FBXO39: variants seen among roughly 807,000 people sequenced by gnomAD.
The protein encoded by FBXO39 is F-box protein 39, also known as F-box only protein 39.
Under a neutral mutation model 36.6 loss-of-function variants are expected in FBXO39, and 22 were observed. That is an observed-to-expected ratio of 0.60 (90% CI 0.43 to 0.86). The LOEUF (loss-of-function observed/expected upper bound fraction) is 0.86, where lower values mean the gene tolerates loss of function less well. Among genes scored for constraint, FBXO39 ranks in the 40% least tolerant of loss-of-function variants. The pLI is 0.00. For missense variants in FBXO39, 536 were observed against 543.9 expected, an observed-to-expected ratio of 0.99 and a Z score of 0.14; for synonymous variants, 206 against 205.8, an observed-to-expected ratio of 1.00 and a Z score of -0.01.
In FBXO39 at chr17:6,780,033, C is replaced by G; in HGVS notation, c.165C>G (p.Leu55=). ...ACCAGATGATGTATTCTGCTGAGCTCTGGCGGTACAGAACCATCACCTTCA... is the reference window on the plus strand; with the variant it reads ...ACCAGATGATGTATTCTGCTGAGCTGTGGCGGTACAGAACCATCACCTTCA... ...KWNQMMYSAE[L]WRYRTITFSG... The change falls in exon 2 of 4, where the codon CTC becomes CTG. Residue 55 remains leucine (L), a synonymous_variant. Coordinates refer to ENST00000321535, the MANE Select transcript of FBXO39 (RefSeq NM_153230.3). 6.2e-7 allele frequency: 1 copy of G among 1,614,216 alleles called. No individual in the cohort carries two copies. Among genetic ancestry groups the G allele is most frequent in the Non-Finnish European group, 8.5e-7 (1 of 1,180,048 alleles).
At chr17:6,781,231 C>T (rs894221540) in intron 2 of FBXO39, among the ~76,000 whole-genome samples, 9 of 152,198 alleles carry the variant, frequency 5.9e-5, no homozygotes, top group African/African-American at 1.9e-4. Flanking sequence ...TACTTTTCCA[C>T]GAGGTCACAG....
chr17:6,776,416 G>A (rs1333952903), intron 1 of FBXO39, 144 bp downstream of exon 1: 1 of 150,748 alleles, frequency 6.6e-6, no homozygotes, highest in African/African-American at 2.4e-5. Flanking sequence ...CCCCCTCTGG[G>A]AAGCATCTTT....
At position 6,779,844 on chromosome 17, in the gene FBXO39, C is replaced by T; in HGVS notation, c.-25C>T. ...TTTGGAAGCCCTGCCTAACACACAG[C>T]TGCACTGTACATCCCAGTTCCTGGA... On this transcript the variant is annotated 5_prime_UTR_variant, in exon 2 of 4. Transcript: ENST00000321535. 6.2e-7 allele frequency: 1 copy of T among 1,609,102 alleles called. No homozygotes were observed. Among genetic ancestry groups the T allele is most frequent in the Non-Finnish European group, 8.5e-7 (1 of 1,177,402 alleles).
At chr17:6,786,690 C>G in intron 2 of FBXO39, 90 bp from the exon 3 acceptor site, 1 of 1,143,686 alleles carries the variant, frequency 8.7e-7, no homozygotes, top group Non-Finnish European at 1.2e-6. Context: ...GCTATCAGGC[C>G]CAGAGCCAGG....
chr17:6,782,580 A>G (rs1349713643), intron 2 of FBXO39, among the ~76,000 whole-genome samples: 1 of 152,206 alleles, frequency 6.6e-6, no homozygotes, highest in Non-Finnish European at 1.5e-5. Flanking sequence ...GAGATGGGAA[A>G]TGATATTTAA....
At position 6,780,135 on chromosome 17, in the gene FBXO39, G is replaced by A. The variant is rs549708601; in HGVS notation, c.267G>A (p.Leu89=). The A allele has an allele frequency of 6.8e-6, 11 of 1,614,178 alleles. No homozygotes were observed. Among genetic ancestry groups the A allele is most frequent in the South Asian group, 3.3e-5 (3 of 91,080 alleles). The change falls in exon 2 of 4, where the codon CTG becomes CTA. Residue 89 remains leucine, a synonymous_variant. Coordinates refer to ENST00000321535, the MANE Select transcript of FBXO39 (RefSeq NM_153230.3). ...VWYVKKFGRY[L]EHLEVKFMNP... ...ATGTTAAGAAGTTTGGTCGTTATCTGGAGCACCTGGAGGTCAAATTCATGA... is the reference window on the plus strand; with the variant it reads ...ATGTTAAGAAGTTTGGTCGTTATCTAGAGCACCTGGAGGTCAAATTCATGA...
intron 2 of FBXO39, among the ~76,000 whole-genome samples, chr17:6,784,014 A>T (rs1345328644): frequency 6.6e-6 from 1 of 152,144 alleles, no homozygotes; most frequent in Non-Finnish European, 1.5e-5. Flanking sequence ...AAATTCCTCA[A>T]CAAATTATTG....
chr17:6,780,684 C>T lies in FBXO39; in HGVS notation c.816C>T (p.Ser272=), dbSNP rs17731806. 6.2e-7 allele frequency: 1 copy of T among 1,614,122 alleles called. No individual in the cohort carries two copies. Among genetic ancestry groups the T allele is most frequent in the Non-Finnish European group, 8.5e-7 (1 of 1,180,020 alleles). ...ACGGACAGGTCATCTGGGGTATGTC[C>T]TGGGCCAAGCTGGCCAGGCAGGCCA... is the stretch of plus-strand genomic sequence containing the variant. ...DPHGQVIWGM[S]WAKLARQATN... Residue 272 remains serine, a synonymous_variant, in exon 2 of 4, where the codon TCC becomes TCT. Coordinates refer to ENST00000321535, the MANE Select transcript of FBXO39 (RefSeq NM_153230.3).
At position 6,782,542 on chromosome 17, in the gene FBXO39, A is replaced by G. The variant is rs145533008; in HGVS notation, c.1023+1651A>G. 6.8e-3 allele frequency among the ~76,000 whole-genome samples: 1,030 copies of G among 152,310 alleles called. 12 individuals are homozygous for G. The highest frequency in any genetic ancestry group is 0.024 in the African/African-American group (985 of 41,576). ...TGCCTACAAGTAACACATTTCACCT[A>G]TAAAGACACACATAGACTGAAAATA... On this transcript the variant is annotated intron_variant, in intron 2 of 3. Transcript: ENST00000321535.
intron 2 of FBXO39, among the ~76,000 whole-genome samples, chr17:6,784,835 C>T (rs940345398): frequency 1.3e-5 from 2 of 151,768 alleles, no homozygotes; most frequent in African/African-American, 2.4e-5. Flanking sequence ...TTTATACTAT[C>T]GAAAGCCATC....
In FBXO39 at chr17:6,779,772, C is replaced by G; in HGVS notation, c.-80-17C>G. On this transcript the variant is annotated splice_polypyrimidine_tract_variant and intron_variant, in intron 1 of 3. Coordinates refer to ENST00000321535, the MANE Select transcript of FBXO39 (RefSeq NM_153230.3). ...TCTGTTTGACAGGTAATGGCTCTTC[C>G]TTTTTATTCCCCACAGAAAGCAAGT... 1 of 1,320,274 alleles carries G rather than the reference C, an allele frequency of 7.6e-7. No individual in the cohort carries two copies. Among genetic ancestry groups the G allele is most frequent in the South Asian group, 1.4e-5 (1 of 71,224 alleles). 81.8% of individuals were successfully genotyped at this position (1,320,274 alleles called of 1,614,324 possible).
rs765434925 is a variant in FBXO39 at position 6,780,636 on chromosome 17, C to A, written c.768C>A (p.Ile256=). Residue 256 remains isoleucine, a synonymous_variant, in exon 2 of 4, where the codon ATC becomes ATA. Coordinates refer to ENST00000321535, the MANE Select transcript of FBXO39 (RefSeq NM_153230.3). ...ENASTLRTIN[I]KCHVHDPHGQ... The stretch of plus-strand genomic sequence containing the variant: ...CCAGCACCCTCCGGACCATCAACAT[C>A]AAATGCCACGTTCATGACCCCCACG... The A allele has an allele frequency of 6.2e-7, 1 of 1,614,038 alleles. No homozygotes were observed. Among genetic ancestry groups the A allele is most frequent in the Non-Finnish European group, 8.5e-7 (1 of 1,180,038 alleles).
In FBXO39 at chr17:6,787,480, T is replaced by C. The variant is rs1325042825; in HGVS notation, c.*52T>C. ...GGGAGCACTTTGAACTTGAAAATCA[T>C]TTCTCTTAGAACTACACTTGGGCAC... On this transcript the variant is annotated 3_prime_UTR_variant, in exon 4 of 4. Transcript: ENST00000321535. 1.9e-6 allele frequency: 3 copies of C among 1,606,622 alleles called. No homozygotes were observed. Among genetic ancestry groups the C allele is most frequent in the Non-Finnish European group, 2.6e-6 (3 of 1,175,816 alleles).
At chr17:6,787,176 T>C in intron 3 of FBXO39, 124 bp from the exon 4 acceptor site, 1 of 1,441,412 alleles carries the variant, frequency 6.9e-7, no homozygotes, top group Non-Finnish European at 9.3e-7. Context: ...AACAACTGTA[T>C]GTGTAGATCA....
Position 6,780,466 on chromosome 17 carries a change from A to C in FBXO39, c.598A>C (p.Ile200Leu). The C allele has an allele frequency of 3.1e-6, 5 of 1,614,168 alleles. No homozygotes were observed. The highest frequency in any genetic ancestry group is 4.2e-6 in the Non-Finnish European group (5 of 1,180,024). ...TGAGAATGTGATCTCAGAGCTCAACATCGAGGACTATTTCAGCCATCACCT... is the reference window on the plus strand; with the variant it reads ...TGAGAATGTGATCTCAGAGCTCAACCTCGAGGACTATTTCAGCCATCACCT... ...RNENVISELN[I>L]EDYFSHHLAV... is the part of the protein sequence containing the mutation. Residue 200 changes from isoleucine to leucine, a missense_variant, in exon 2 of 4, where the codon ATC (isoleucine) becomes CTC (leucine). Ile to Leu is a conservative substitution (Grantham distance 5). Coordinates refer to ENST00000321535, the MANE Select transcript of FBXO39 (RefSeq NM_153230.3).
In FBXO39 at chr17:6,784,917, T is replaced by TTATATATATATGTGTGTGTA. The variant is rs1381726104; in HGVS notation, c.1024-1852_1024-1851insGTGTGTGTATATATATATAT. ...AGAAATAGAACAAAGAATCTTAAAT[T>TTATATATATATGTGTGTGTA]TATATATATATATGTGTGTGTGTGT... On this transcript the variant is annotated intron_variant, in intron 2 of 3. Transcript: ENST00000321535. 1.8e-3 allele frequency among the ~76,000 whole-genome samples: 239 copies of TTATATATATATGTGTGTGTA among 129,634 alleles called. 10 individuals are homozygous for TTATATATATATGTGTGTGTA. The highest frequency in any genetic ancestry group is 6.7e-3 in the African/African-American group (199 of 29,822). 85.0% of individuals were successfully genotyped at this position (129,634 alleles called of 152,430 possible). A position where few individuals can be genotyped will look rare whatever the true frequency, so the allele number is the denominator to read the frequency against.
At chr17:6,785,606 G>A (rs79214483) in intron 2 of FBXO39, among the ~76,000 whole-genome samples, 1 of 151,784 alleles carries the variant, frequency 6.6e-6, no homozygotes, top group Non-Finnish European at 1.5e-5. Context: ...CATATCACAA[G>A]GGATTAATAA....
rs1976503170 is a variant in FBXO39, at chr17:6,780,950, G to A, written c.1023+59G>A. Reference sequence around the variant, plus strand: ...AGGTGACTGGCTTCCCCAGAAGAAAGCCCACTGCTGCCTGCTCTTGGCTAG... The same window carrying A: ...AGGTGACTGGCTTCCCCAGAAGAAAACCCACTGCTGCCTGCTCTTGGCTAG... On this transcript the variant is annotated intron_variant, in intron 2 of 3. Coordinates refer to ENST00000321535, the MANE Select transcript of FBXO39 (RefSeq NM_153230.3). 5.3e-6 allele frequency: 8 copies of A among 1,507,122 alleles called. No homozygotes were observed. In the South Asian group the frequency reaches 7.5e-5, roughly 14 times the overall value. The allele number at this position is 1,507,122 out of a possible 1,614,324, so 93.4% of individuals were successfully genotyped here.
chr17:6,785,312 C>T (rs1435067457), intron 2 of FBXO39, among the ~76,000 whole-genome samples: 1 of 152,068 alleles, frequency 6.6e-6, no homozygotes, highest in Non-Finnish European at 1.5e-5. Flanking sequence ...TGAAACTAGA[C>T]CACTATCTCT....
Sources: gnomAD v4.1 joint callset for allele counts (sites outside exome capture counted in the v4.1 genomes callset) on GRCh38, gnomAD v4.1.1 for gene constraint, MANE v1.5 for transcripts, NCBI Gene and HGNC (gene_info 2026-07-23, HGNC 2026-07-21) for gene names.